DPYSL3: variants seen among roughly 807,000 people sequenced by gnomAD.
The protein encoded by DPYSL3 is dihydropyrimidinase like 3, also known as dihydropyrimidinase-related protein 3.
Under a neutral mutation model 66.1 loss-of-function variants are expected in DPYSL3, and 16 were observed. The observed-to-expected ratio is 0.24, with a 90% CI of 0.16 to 0.37. DPYSL3 has a LOEUF of 0.37. DPYSL3 is among the 10% of genes least tolerant of loss of function. The pLI, the probability that DPYSL3 is intolerant of heterozygous loss-of-function variation, is 1.00. For synonymous variants in DPYSL3, 338 were observed against 345.1 expected (o/e 0.98, Z 0.23); for missense variants, 738 against 916.2 (o/e 0.81, Z 2.51).
chr5:147,441,080 T>G (rs1161199992), intron 1 of DPYSL3, among the ~76,000 whole-genome samples: 3 of 152,212 alleles, frequency 2.0e-5, no homozygotes, highest in Admixed American at 1.3e-4. Flanking sequence ...TGCCATAATT[T>G]CTTATAAATT....
intron 12 of DPYSL3, among the ~76,000 whole-genome samples, chr5:147,396,346 G>A (rs1241290792): frequency 6.6e-6 from 1 of 152,192 alleles, no homozygotes; most frequent in Non-Finnish European, 1.5e-5. Flanking sequence ...GCTAGGCCTT[G>A]TGCCAGGCAC....
chr5:147,482,143 A>G (rs910218510), intron 1 of DPYSL3, among the ~76,000 whole-genome samples: 8 of 152,334 alleles, frequency 5.3e-5, no homozygotes, highest in African/African-American at 1.7e-4. Context: ...TATAACCAGC[A>G]ACAACATGCA....
At chr5:147,415,648 T>C in intron 4 of DPYSL3, 61 bp downstream of exon 4, 1 of 1,573,712 alleles carries the variant, frequency 6.4e-7, no homozygotes. Context: ...GAGTGGATGG[T>C]GTTGGAAGGA....
chr5:147,498,434 A>G (rs575412121), intron 1 of DPYSL3, among the ~76,000 whole-genome samples: 1 of 152,310 alleles, frequency 6.6e-6, no homozygotes, highest in African/African-American at 2.4e-5. Flanking sequence ...AATTATTTAT[A>G]TTCCTTTGGG....
In DPYSL3 at chr5:147,453,447, G is replaced by A. The variant is rs970070713; in HGVS notation, c.382-28484C>T. ...ACCCCGGGTCTCCGTCCCTCCCCGG[G>A]GACCAGGCCAGAGAAGCCGGCGGGA... On this transcript the variant is annotated intron_variant, in intron 1 of 13. Transcript: ENST00000343218. The A allele has an allele frequency of 7.1e-6, 10 of 1,406,018 alleles. No individual in the cohort carries two copies. The African/African-American group carries it at 9.0e-5, about 13-fold the overall frequency. The allele number at this position is 1,406,018 out of a possible 1,614,324, so 87.1% of individuals were successfully genotyped here. A position where few individuals can be genotyped will look rare whatever the true frequency, so the allele number is the denominator to read the frequency against.
chr5:147,453,371 G>C (rs929262269), intron 1 of DPYSL3, among the ~76,000 whole-genome samples: 1 of 152,156 alleles, frequency 6.6e-6, no homozygotes, highest in African/African-American at 2.4e-5. Context: ...CCCCAGGGTC[G>C]CTCAGTCTGT....
intron 1 of DPYSL3, among the ~76,000 whole-genome samples, chr5:147,477,327 C>T (rs1753168523): frequency 6.9e-6 from 1 of 144,660 alleles, no homozygotes; most frequent in Non-Finnish European, 1.5e-5. Flanking sequence ...CCAGATAGCC[C>T]TGGCTGAATG....
At chr5:147,477,083 A>C (rs75374773) in intron 1 of DPYSL3, among the ~76,000 whole-genome samples, 20 of 152,240 alleles carry the variant, frequency 1.3e-4, no homozygotes, top group African/African-American at 4.8e-4. Flanking sequence ...ATTACATAGA[A>C]AAAATAAAAT....
chr5:147,405,761 A>G, intron 7 of DPYSL3, 31 bp from the exon 8 acceptor site: 5 of 1,595,548 alleles, frequency 3.1e-6, no homozygotes, highest in Non-Finnish European at 4.3e-6. Flanking sequence ...GAGTCAATAG[A>G]AACATGAACC....
chr5:147,443,429 T>C (rs1044406609), intron 1 of DPYSL3, among the ~76,000 whole-genome samples: 1 of 151,920 alleles, frequency 6.6e-6, no homozygotes, highest in African/African-American at 2.4e-5. Context: ...GAGTTGAACA[T>C]TGAGAACACA....
At chr5:147,491,367 C>T (rs535819430) in intron 1 of DPYSL3, among the ~76,000 whole-genome samples, 1 of 152,310 alleles carries the variant, frequency 6.6e-6, no homozygotes, top group African/African-American at 2.4e-5. Flanking sequence ...TTACTCAGTA[C>T]ATGGATCCAC....
At chr5:147,405,532 T>C (rs1484063607) in intron 8 of DPYSL3, 78 bp downstream of exon 8, 1 of 1,509,672 alleles carries the variant, frequency 6.6e-7, no homozygotes, top group East Asian at 2.3e-5. Flanking sequence ...GCACCATTTA[T>C]ATTACACAGG....
chr5:147,411,173 T>C (rs774184116), intron 6 of DPYSL3, among the ~76,000 whole-genome samples: 6 of 152,236 alleles, frequency 3.9e-5, no homozygotes, highest in Non-Finnish European at 8.8e-5. Context: ...CCAAGGCATT[T>C]GGGCTCTCTA....
chr5:147,417,081 G>T (rs1227292773), intron 3 of DPYSL3, among the ~76,000 whole-genome samples: 2 of 152,096 alleles, frequency 1.3e-5, no homozygotes, highest in Non-Finnish European at 2.9e-5. Flanking sequence ...TGCATCTCTA[G>T]GTTTCCTAAT....
At chr5:147,497,271 G>C (rs1753533414) in intron 1 of DPYSL3, among the ~76,000 whole-genome samples, 1 of 149,504 alleles carries the variant, frequency 6.7e-6, no homozygotes, top group South Asian at 2.2e-4. Flanking sequence ...GAGGGGGAAG[G>C]GGTAGCATTA....
intron 1 of DPYSL3, among the ~76,000 whole-genome samples, chr5:147,493,926 C>T (rs1307804468): frequency 1.3e-5 from 2 of 152,180 alleles, no homozygotes; most frequent in African/African-American, 4.8e-5. Flanking sequence ...GGCGCAGTGG[C>T]TCATGCCTGT....
intron 8 of DPYSL3, 126 bp downstream of exon 8, chr5:147,405,484 G>C (rs994466659): frequency 4.6e-6 from 6 of 1,318,460 alleles, no homozygotes; most frequent in African/African-American, 2.9e-5. Flanking sequence ...AGGATGTGGA[G>C]AGCGGCTTCC....
At chr5:147,504,961 C>T (rs1255234849) in intron 1 of DPYSL3, among the ~76,000 whole-genome samples, 3 of 152,170 alleles carry the variant, frequency 2.0e-5, no homozygotes, top group African/African-American at 7.2e-5. Flanking sequence ...TAGGAAAATT[C>T]AGTGTGCATG....
intron 1 of DPYSL3, among the ~76,000 whole-genome samples, chr5:147,495,379 T>C (rs1220030776): frequency 6.6e-6 from 1 of 152,134 alleles, no homozygotes; most frequent in African/African-American, 2.4e-5. Flanking sequence ...TTCAACATAG[T>C]GTTGGAAGTT....
Sources: gnomAD v4.1 joint callset for allele counts (sites outside exome capture counted in the v4.1 genomes callset) on GRCh38, gnomAD v4.1.1 for gene constraint, MANE v1.5 for transcripts, NCBI Gene and HGNC (gene_info 2026-07-23, HGNC 2026-07-21) for gene names.